Variants in ARMC2 observed in about 807,000 individuals in gnomAD.
The protein encoded by ARMC2 is armadillo repeat containing 2.
ARMC2 carries 67 observed loss-of-function variants against 90.3 expected under a neutral mutation model. The ratio of observed to expected loss-of-function variants is 0.74; its 90% CI spans 0.61 to 0.91. ARMC2 has a LOEUF of 0.91. Among genes scored for constraint, ARMC2 ranks in the 40% least tolerant of loss-of-function variants. The probability of loss-of-function intolerance (pLI) is 0.00; values close to 1 mark genes in which losing one functional copy is unlikely to be tolerated. For missense variants in ARMC2, 920 were observed against 1,030.9 expected (o/e 0.89, Z 1.47); for synonymous variants, 393 against 393.0 (o/e 1.00, Z 0.00).
At chr6:109,045,498 T>C in the ARMC2 span, among the ~76,000 whole-genome samples, 1 of 152,234 alleles carries the variant, frequency 6.6e-6, no homozygotes, top group Non-Finnish European at 1.5e-5. Flanking sequence ...ATGTCTCCAA[T>C]GATACTGAGT....
At chr6:108,870,291 T>C (rs1776251392) in intron 4 of ARMC2, among the ~76,000 whole-genome samples, 1 of 152,164 alleles carries the variant, frequency 6.6e-6, no homozygotes, top group African/African-American at 2.4e-5. Flanking sequence ...TCCAGATTTA[T>C]GACTTCTTGT....
At chr6:108,992,993 T>C in the ARMC2 span, 2 of 724,232 alleles carry the variant, frequency 2.8e-6, no homozygotes, top group South Asian at 1.7e-5. Flanking sequence ...ACTCTTTCTC[T>C]GATACTGAGT....
At chr6:108,990,555 G>A in the ARMC2 span, 1 of 1,136,096 alleles carries the variant, frequency 8.8e-7, no homozygotes, top group Non-Finnish European at 1.3e-6. Flanking sequence ...TTTTGATTAT[G>A]TGTGTGTCTA....
At chr6:108,888,791 A>G (rs1314552201) in intron 5 of ARMC2, among the ~76,000 whole-genome samples, 1 of 152,198 alleles carries the variant, frequency 6.6e-6, no homozygotes, top group Non-Finnish European at 1.5e-5. Flanking sequence ...CCCTTGACTT[A>G]CGGAACCTCT....
At chr6:108,986,455 CTTCT>C in the ARMC2 span, 10 of 152,614 alleles carry the variant, frequency 6.6e-5, no homozygotes, top group East Asian at 1.9e-4. Flanking sequence ...GAGAAAAATT[CTTCT>C]TTATTTAAAA....
At chr6:108,895,954 G>A (rs879632520) in intron 6 of ARMC2, among the ~76,000 whole-genome samples, 4 of 151,860 alleles carry the variant, frequency 2.6e-5, no homozygotes, top group Non-Finnish European at 5.9e-5. Flanking sequence ...ACTAGTGTGG[G>A]GTACACTGAT....
At chr6:109,019,549 A>T in the ARMC2 span, among the ~76,000 whole-genome samples, 1 of 152,248 alleles carries the variant, frequency 6.6e-6, no homozygotes, top group Non-Finnish European at 1.5e-5. Flanking sequence ...AAGCATTATC[A>T]GTCCTTTCAG....
At chr6:108,979,457 C>A (rs1260685), downstream of ARMC2, among the ~76,000 whole-genome samples, 152,198 of 152,200 alleles carry the variant, frequency 1, 76,098 homozygotes, top group Middle Eastern at 1. Flanking sequence ...GGTGAATCTG[C>A]CGATTATGTG....
At chr6:108,982,855 A>G in the ARMC2 span, among the ~76,000 whole-genome samples, 14,368 of 141,808 alleles carry the variant, frequency 0.1, 839 homozygotes, top group Middle Eastern at 0.2. Flanking sequence ...CTCTGTCACC[A>G]TGCTGGAGTG....
At chr6:108,977,210 A>AG (rs140202025), downstream of ARMC2, among the ~76,000 whole-genome samples, 29,453 of 152,086 alleles carry the variant, frequency 0.19, 3,511 homozygotes, top group African/African-American at 0.33. Flanking sequence ...TTTAGCATGA[A>AG]GGCTGTTGAA....
rs995790758 is a variant in ARMC2 at position 108,848,537 on chromosome 6, C to T, written c.-53C>T. On this transcript the variant is annotated 5_prime_UTR_variant, in exon 1 of 18. Coordinates refer to ENST00000392644, the MANE Select transcript of ARMC2 (RefSeq NM_032131.6). ...CTCGCAGCCGCTGCTATCTCCAGTGCTCATCACAGGTGCTTTGGGTCAGGT... is the reference window on the plus strand; with the variant it reads ...CTCGCAGCCGCTGCTATCTCCAGTGTTCATCACAGGTGCTTTGGGTCAGGT... The T allele has an allele frequency of 2.0e-5, 3 of 152,376 alleles. No homozygotes were observed. The highest frequency in any genetic ancestry group is 4.4e-5 in the Non-Finnish European group (3 of 68,136). The allele number at this position is 152,376 out of a possible 1,614,324, so 9.4% of individuals were successfully genotyped here. A position where few individuals can be genotyped will look rare whatever the true frequency, so the allele number is the denominator to read the frequency against.
At chr6:109,031,091 G>C in the ARMC2 span, among the ~76,000 whole-genome samples, 313 of 152,304 alleles carry the variant, frequency 2.1e-3, no homozygotes, top group Non-Finnish European at 3.2e-3. Context: ...AGTAGGGAGT[G>C]AGTAAAGGCT....
the ARMC2 span, chr6:108,998,783 T>C: frequency 6.3e-7 from 1 of 1,587,030 alleles, no homozygotes; most frequent in South Asian, 1.1e-5. Context: ...AAAGAATATA[T>C]TTTTGTACTG....
intron 5 of ARMC2, among the ~76,000 whole-genome samples, chr6:108,890,912 C>A (rs1248062530): frequency 2.6e-4 from 39 of 148,674 alleles, no homozygotes; most frequent in African/African-American, 8.5e-4. Flanking sequence ...CCTAGCCCCC[C>A]ACCCCCCGAC....
chr6:108,874,025 T>G (rs1236025280), intron 4 of ARMC2, among the ~76,000 whole-genome samples: 1 of 152,194 alleles, frequency 6.6e-6, no homozygotes, highest in Non-Finnish European at 1.5e-5. Context: ...CCTGAACTGG[T>G]CCTGTGTGGT....
intron 13 of ARMC2, among the ~76,000 whole-genome samples, chr6:108,960,342 T>C (rs1017657695): frequency 6.6e-6 from 1 of 152,230 alleles, no homozygotes; most frequent in Non-Finnish European, 1.5e-5. Context: ...CACTCCCAGC[T>C]GCAGCCCTGC....
the ARMC2 span, among the ~76,000 whole-genome samples, chr6:108,985,704 G>C: frequency 6.6e-6 from 1 of 152,068 alleles, no homozygotes; most frequent in African/African-American, 2.4e-5. Context: ...TAGAAATTTT[G>C]TATTTTCAAG....
downstream of ARMC2, among the ~76,000 whole-genome samples, chr6:108,978,809 A>C (rs1026227121): frequency 6.7e-5 from 10 of 149,888 alleles, no homozygotes; most frequent in African/African-American, 2.4e-4. Context: ...AGAGGGTAGG[A>C]TTGCAACCCC....
the ARMC2 span, among the ~76,000 whole-genome samples, chr6:109,017,490 T>TC: frequency 2.6e-5 from 4 of 152,172 alleles, no homozygotes; most frequent in African/African-American, 9.7e-5. Context: ...TTTCACCATG[T>TC]TAGCCAGGAT....
Sources: allele counts gnomAD v4.1 joint callset (sites outside exome capture counted in the v4.1 genomes callset), GRCh38; gene constraint gnomAD v4.1.1; transcripts MANE v1.5; gene names NCBI Gene and HGNC (gene_info 2026-07-23, HGNC 2026-07-21).